Variants in IFNGR2 observed in about 807,000 individuals in gnomAD.
IFNGR2 encodes interferon gamma receptor 2.
Under a neutral mutation model 41.1 loss-of-function variants are expected in IFNGR2, and 15 were observed. That is an observed-to-expected ratio of 0.37 (90% CI 0.24 to 0.56). IFNGR2 has a LOEUF of 0.56. Ranked by LOEUF, IFNGR2 falls within the 20% of genes least tolerant of loss-of-function variation. IFNGR2 has a pLI of 0.81. For synonymous variants in IFNGR2, 161 were observed against 171.6 expected (o/e 0.94, Z 0.48); for missense variants, 362 against 415.7 (o/e 0.87, Z 1.12).
At chr21:33,421,366 A>T in intron 2 of IFNGR2, 114 bp from the exon 3 acceptor site, 2 of 755,402 alleles carry the variant, frequency 2.6e-6, no homozygotes, top group Non-Finnish European at 4.7e-6. Context: ...GGGGAACTGT[A>T]TGGTACATAT....
chr21:33,423,824 C>T (rs2083814548), intron 3 of IFNGR2, among the ~76,000 whole-genome samples: 1 of 83,424 alleles, frequency 1.2e-5, no homozygotes, highest in Admixed American at 1.8e-4. Context: ...AAGACCCCAT[C>T]TCTATTTTTT....
intron 6 of IFNGR2, among the ~76,000 whole-genome samples, chr21:33,435,747 G>A (rs2083939847): frequency 6.6e-6 from 1 of 151,976 alleles, no homozygotes; most frequent in Non-Finnish European, 1.5e-5. Flanking sequence ...CCCAGGCATG[G>A]TGGCATGCGC....
Position 33,437,040 on chromosome 21 carries a change from T to G in IFNGR2, c.*78T>G. ...AGCTGCTAGAGTTCTGTCTGGACTTTCCAGAGACCAGTATTCCCTTTTGCT... is the reference window on the plus strand; with the variant it reads ...AGCTGCTAGAGTTCTGTCTGGACTTGCCAGAGACCAGTATTCCCTTTTGCT... On this transcript the variant is annotated 3_prime_UTR_variant, in exon 7 of 7. Transcript: ENST00000290219. 1 of 1,496,300 alleles carries G rather than the reference T, an allele frequency of 6.7e-7. No individual in the cohort carries two copies. The highest frequency in any genetic ancestry group is 1.1e-5 in the South Asian group (1 of 87,978). The allele number at this position is 1,496,300 out of a possible 1,614,324, so 92.7% of individuals were successfully genotyped here.
chr21:33,426,817 T>G, intron 3 of IFNGR2, 67 bp from the exon 4 acceptor site: 1 of 1,094,436 alleles, frequency 9.1e-7, no homozygotes, highest in Non-Finnish European at 1.4e-6. Flanking sequence ...CATTATATAA[T>G]ACATTGTATT....
At chr21:33,406,714 C>T (rs964744689) in intron 1 of IFNGR2, among the ~76,000 whole-genome samples, 1 of 147,820 alleles carries the variant, frequency 6.8e-6, no homozygotes, top group Non-Finnish European at 1.5e-5. Flanking sequence ...GTGGCATGAT[C>T]ACAGCTCACT....
chr21:33,409,770 T>C (rs567918460), intron 1 of IFNGR2, among the ~76,000 whole-genome samples: 33 of 152,296 alleles, frequency 2.2e-4, no homozygotes, highest in South Asian at 1.0e-3. Context: ...GTCATGCTTA[T>C]ATGTGAAAAT....
chr21:33,413,987 C>T (rs968325926), intron 1 of IFNGR2, among the ~76,000 whole-genome samples: 2 of 151,884 alleles, frequency 1.3e-5, no homozygotes, highest in African/African-American at 4.8e-5. Flanking sequence ...CGCTCACCAC[C>T]GCACCTGGCT....
chr21:33,403,548 G>T lies in IFNGR2; in HGVS notation c.5G>T (p.Arg2Leu). The change falls in exon 1 of 7, where the codon CGA (arginine) becomes CTA (leucine). Residue 2 changes from arginine (R) to leucine (L), a missense_variant. Arg to Leu is a moderately radical substitution (Grantham distance 102). Transcript: ENST00000290219. M[R>L]PTLLWSLLLL... ...CGCCGCCGAGCGCCCGGGGCCATGC[G>T]ACCGACGCTGCTGTGGTCGCTGCTG... The T allele has an allele frequency of 7.5e-7, 1 of 1,325,234 alleles. No individual in the cohort carries two copies. Among genetic ancestry groups the T allele is most frequent in the South Asian group, 1.8e-5 (1 of 55,270 alleles). The allele number at this position is 1,325,234 out of a possible 1,614,324, so 82.1% of individuals were successfully genotyped here.
At chr21:33,406,349 T>C (rs947734152) in intron 1 of IFNGR2, among the ~76,000 whole-genome samples, 1 of 151,874 alleles carries the variant, frequency 6.6e-6, no homozygotes, top group Admixed American at 6.6e-5. Context: ...CACTCCAGCC[T>C]GGGTGACAGA....
At chr21:33,435,259 C>T (rs889893430) in intron 6 of IFNGR2, among the ~76,000 whole-genome samples, 16 of 152,104 alleles carry the variant, frequency 1.1e-4, no homozygotes, top group African/African-American at 2.4e-4. Context: ...GCTTGCTGTG[C>T]GCTGGTGCAA....
chr21:33,427,482 CAG>C (rs2123359334), intron 4 of IFNGR2, among the ~76,000 whole-genome samples: 1 of 152,258 alleles, frequency 6.6e-6, no homozygotes, highest in Admixed American at 6.5e-5. Context: ...AAGAGCTTTC[CAG>C]AGAGCAGTAC....
chr21:33,428,209 A>ATTT (rs34770974), intron 4 of IFNGR2, among the ~76,000 whole-genome samples: 107 of 140,310 alleles, frequency 7.6e-4, no homozygotes, highest in East Asian at 1.7e-3. Flanking sequence ...CTTCTCCTTC[A>ATTT]TTTTTTTTTT....
chr21:33,411,370 C>T, intron 1 of IFNGR2: 1 of 460,544 alleles, frequency 2.2e-6, no homozygotes, highest in South Asian at 1.6e-5. Context: ...GAACTGAATG[C>T]TTAGACTGGG....
At chr21:33,421,829 C>G (rs1202635218) in intron 3 of IFNGR2, 144 bp downstream of exon 3, 1 of 757,980 alleles carries the variant, frequency 1.3e-6, no homozygotes, top group Admixed American at 2.0e-5. Context: ...ACACTCTGAC[C>G]TTGGAGGCTG....
At chr21:33,411,600 G>T in intron 1 of IFNGR2, 1 of 452,818 alleles carries the variant, frequency 2.2e-6, no homozygotes. Flanking sequence ...CTGATGTGGG[G>T]AGATTGTCTT....
Position 33,431,468 on chromosome 21 carries a change from T to C in IFNGR2, c.562-709T>C, listed in dbSNP as rs545614136. ...GTCTATAATCCCAACTACTCAGGAG[T>C]TGGAGGCAGGAGAATTGCTTGAACC... On this transcript the variant is annotated intron_variant, in intron 4 of 6. Transcript: ENST00000290219. Among the ~76,000 whole-genome samples, 3 of 152,096 alleles carry C rather than the reference T, an allele frequency of 2.0e-5. No individual in the cohort carries two copies. The South Asian group carries it at 6.2e-4, about 32-fold the overall frequency.
chr21:33,415,671 A>G (rs1272126977), intron 2 of IFNGR2, among the ~76,000 whole-genome samples: 2 of 152,252 alleles, frequency 1.3e-5, no homozygotes, highest in African/African-American at 4.8e-5. Context: ...TTGGTAAACC[A>G]AATGTAAAGA....
chr21:33,414,762 A>G lies in IFNGR2; in HGVS notation c.74-126A>G. On this transcript the variant is annotated intron_variant, in intron 1 of 6. Coordinates refer to ENST00000290219, the MANE Select transcript of IFNGR2 (RefSeq NM_005534.4). ...ATGCCCAGGGGGACCTGGTAATGCC[A>G]TTTCTGCACTTTGACAAAAACTGAG... 1.5e-5 allele frequency: 18 copies of G among 1,184,374 alleles called. No individual in the cohort carries two copies. The South Asian group carries it at 2.4e-4, about 16-fold the overall frequency. The allele number at this position is 1,184,374 out of a possible 1,614,324, so 73.4% of individuals were successfully genotyped here. A position where few individuals can be genotyped will look rare whatever the true frequency, so the allele number is the denominator to read the frequency against.
intron 6 of IFNGR2, among the ~76,000 whole-genome samples, chr21:33,436,530 G>A (rs903368340): frequency 2.6e-5 from 4 of 151,836 alleles, no homozygotes; most frequent in Non-Finnish European, 4.4e-5. Flanking sequence ...TGAGACCAGC[G>A]TGGCCAACAT....
Sources: gnomAD v4.1 joint callset for allele counts (sites outside exome capture counted in the v4.1 genomes callset) on GRCh38, gnomAD v4.1.1 for gene constraint, MANE v1.5 for transcripts, NCBI Gene and HGNC (gene_info 2026-07-23, HGNC 2026-07-21) for gene names.